Variants in INTU observed in about 807,000 individuals in gnomAD.
INTU encodes the protein protein inturned.
Under a neutral mutation model 100.5 loss-of-function variants are expected in INTU, and 68 were observed. That is an observed-to-expected ratio of 0.68 (90% CI 0.56 to 0.83). The LOEUF (loss-of-function observed/expected upper bound fraction) is 0.83. Ranked by LOEUF, INTU falls within the 40% of genes least tolerant of loss-of-function variation. The probability of loss-of-function intolerance (pLI) is 0.00; values close to 1 mark genes in which losing one functional copy is unlikely to be tolerated. For synonymous variants in INTU, 357 were observed against 395.7 expected, an observed-to-expected ratio of 0.90 and a Z score of 1.16; for missense variants, 1,071 against 1,114.7, an observed-to-expected ratio of 0.96 and a Z score of 0.56.
chr4:127,712,156 G>C (rs572807767), intron 14 of INTU, among the ~76,000 whole-genome samples: 3 of 152,250 alleles, frequency 2.0e-5, no homozygotes, highest in South Asian at 2.1e-4. Context: ...CATTGGACAA[G>C]GAATAAGGAA....
intron 6 of INTU, among the ~76,000 whole-genome samples, chr4:127,677,262 T>G (rs866008890): frequency 2.6e-5 from 4 of 152,246 alleles, no homozygotes; most frequent in African/African-American, 9.6e-5. Flanking sequence ...TCTCCCAGCA[T>G]GCAGCTGGAG....
chr4:127,685,771 C>T (rs957843304), intron 7 of INTU: 1 of 214,764 alleles, frequency 4.7e-6, no homozygotes, highest in African/African-American at 2.3e-5. Context: ...TAAATTTTTG[C>T]AATGATTTTC....
At chr4:127,676,773 G>C (rs1259611561) in intron 6 of INTU, among the ~76,000 whole-genome samples, 1 of 152,190 alleles carries the variant, frequency 6.6e-6, no homozygotes, top group Non-Finnish European at 1.5e-5. Flanking sequence ...AGCGCACCAT[G>C]CCTGAGCCGA....
At chr4:127,651,649 G>C (rs571127552) in intron 2 of INTU, among the ~76,000 whole-genome samples, 97 of 152,248 alleles carry the variant, frequency 6.4e-4, no homozygotes, top group Non-Finnish European at 1.0e-3. Flanking sequence ...AAGTCAGGTA[G>C]GGTGATGCCT....
chr4:127,640,664 A>G lies in INTU; in HGVS notation c.147-2857A>G, dbSNP rs1727292557. 2.0e-5 allele frequency among the ~76,000 whole-genome samples: 3 copies of G among 148,068 alleles called. No homozygotes were observed. In the South Asian group the frequency reaches 6.4e-4, roughly 32 times the overall value. ...TGGTGGAAAAACAAGAACTGAACAC[A>G]AAGCTTATCAGTAGGTGAATGACCA... On this transcript the variant is annotated intron_variant, in intron 1 of 15. Transcript: ENST00000335251.
chr4:127,646,598 G>A (rs1727600492), intron 2 of INTU, among the ~76,000 whole-genome samples: 1 of 152,128 alleles, frequency 6.6e-6, no homozygotes, highest in Admixed American at 6.5e-5. Context: ...CAATATTTCA[G>A]TTAGACTACT....
intron 4 of INTU, 149 bp from the exon 5 acceptor site, chr4:127,668,887 C>G (rs1162249300): frequency 4.1e-6 from 2 of 482,682 alleles, no homozygotes; most frequent in East Asian, 6.4e-5. Context: ...AAATTCCAAG[C>G]ATAGTTCTCC....
intron 1 of INTU, among the ~76,000 whole-genome samples, chr4:127,637,256 C>T (rs888678029): frequency 6.6e-6 from 1 of 152,214 alleles, no homozygotes; most frequent in Non-Finnish European, 1.5e-5. Flanking sequence ...TTCTTCCATA[C>T]CACTGCCAGT....
intron 13 of INTU, among the ~76,000 whole-genome samples, chr4:127,710,572 T>G (rs1234760094): frequency 6.6e-6 from 1 of 152,204 alleles, no homozygotes; most frequent in East Asian, 1.9e-4. Context: ...AGACACGAGC[T>G]GAATTATTTA....
At chr4:127,666,423 A>T (rs189836400) in intron 4 of INTU, among the ~76,000 whole-genome samples, 1 of 152,278 alleles carries the variant, frequency 6.6e-6, no homozygotes, top group African/African-American at 2.4e-5. Flanking sequence ...CTCCAGAGAT[A>T]ATTTACTTCT....
Position 127,687,875 on chromosome 4 carries a change from T to C in INTU, c.1449+8T>C. On this transcript the variant is annotated splice_region_variant and intron_variant, in intron 8 of 15. Transcript: ENST00000335251. ...CTTCCACTGGAAATCAAGGTAATCT[T>C]AGGTATTATAAAGCAGAAGCAGAAC... is the stretch of plus-strand genomic sequence containing the variant. The C allele has an allele frequency of 6.4e-7, 1 of 1,564,704 alleles. No homozygotes were observed. Among genetic ancestry groups the C allele is most frequent in the Non-Finnish European group, 8.7e-7 (1 of 1,146,512 alleles).
intron 3 of INTU, among the ~76,000 whole-genome samples, chr4:127,659,879 T>A (rs1251242154): frequency 6.6e-6 from 1 of 152,160 alleles, no homozygotes; most frequent in Non-Finnish European, 1.5e-5. Context: ...TTGAGTGGAG[T>A]GTTTTAACTT....
chr4:127,714,037 T>G lies in INTU; in HGVS notation c.2661T>G (p.Pro887=). The G allele has an allele frequency of 6.2e-7, 1 of 1,613,722 alleles. No individual in the cohort carries two copies. The highest frequency in any genetic ancestry group is 8.5e-7 in the Non-Finnish European group (1 of 1,179,822). ...KEHGVLFECS[P]GNWTDQKKAP... is the part of the protein sequence containing the mutation. The stretch of plus-strand genomic sequence containing the variant: ...ATGGTGTGTTGTTTGAATGTTCACC[T>G]GGAAACTGGACTGATCAGAAAAAAG... Residue 887 remains proline (P), a synonymous_variant, in exon 15 of 16, where the codon CCT becomes CCG. Coordinates refer to ENST00000335251, the MANE Select transcript of INTU (RefSeq NM_015693.4).
chr4:127,704,845 T>TG (rs1347626040), intron 10 of INTU, among the ~76,000 whole-genome samples: 1 of 151,984 alleles, frequency 6.6e-6, no homozygotes, highest in Non-Finnish European at 1.5e-5. Flanking sequence ...CCCATCACTT[T>TG]GGGGGGCCGA....
At chr4:127,658,840 T>G (rs1003207376) in intron 3 of INTU, among the ~76,000 whole-genome samples, 2 of 152,120 alleles carry the variant, frequency 1.3e-5, no homozygotes, top group Non-Finnish European at 2.9e-5. Flanking sequence ...AAGTATACAT[T>G]TATTGTATGC....
chr4:127,695,451 G>A (rs7694079), intron 8 of INTU, among the ~76,000 whole-genome samples: 92,987 of 151,948 alleles, frequency 0.61, 29,433 homozygotes, highest in African/African-American at 0.76. Flanking sequence ...ACCAAAAAAT[G>A]CAAAATTAAG....
At chr4:127,646,544 A>G (rs1297108378) in intron 2 of INTU, among the ~76,000 whole-genome samples, 1 of 152,198 alleles carries the variant, frequency 6.6e-6, no homozygotes, top group African/African-American at 2.4e-5. Context: ...TTAATTCATT[A>G]AGGGACTGCA....
chr4:127,716,195 G>A, intron 15 of INTU, 130 bp from the exon 16 acceptor site: 1 of 506,412 alleles, frequency 2.0e-6, no homozygotes, highest in Non-Finnish European at 3.5e-6. Context: ...CCCTAGTATA[G>A]ATTTAGATTC....
At chr4:127,669,266 A>G in intron 5 of INTU, 112 bp downstream of exon 5, 1 of 544,266 alleles carries the variant, frequency 1.8e-6, no homozygotes, top group Non-Finnish European at 3.3e-6. Flanking sequence ...TCTACAATGT[A>G]TGTATTATAT....
Sources: allele counts gnomAD v4.1 joint callset (sites outside exome capture counted in the v4.1 genomes callset), GRCh38; gene constraint gnomAD v4.1.1; transcripts MANE v1.5; gene names NCBI Gene and HGNC (gene_info 2026-07-23, HGNC 2026-07-21).